RIMBP2: variants seen among roughly 807,000 people sequenced by gnomAD.
RIMBP2 encodes the protein RIMS binding protein 2.
Under a neutral mutation model 118.6 loss-of-function variants are expected in RIMBP2, and 48 were observed. The observed-to-expected ratio is 0.40, with a 90% confidence interval of 0.32 to 0.51. The LOEUF (loss-of-function observed/expected upper bound fraction) is 0.51. RIMBP2 is among the 20% of genes least tolerant of loss of function. The pLI, the probability that RIMBP2 is intolerant of heterozygous loss-of-function variation, is 0.41. For missense variants in RIMBP2, 1,551 were observed against 1,768.3 expected (o/e 0.88, Z 2.20); for synonymous variants, 762 against 742.9 (o/e 1.03, Z -0.42).
At chr12:130,478,575 T>G (rs1309713734) in intron 5 of RIMBP2, among the ~76,000 whole-genome samples, 2 of 152,098 alleles carry the variant, frequency 1.3e-5, no homozygotes, top group Non-Finnish European at 2.9e-5. Context: ...TGTGTGCCCT[T>G]TTAGTTTAAA....
At chr12:130,470,407 G>A (rs2080903825) in intron 6 of RIMBP2, 2 of 333,710 alleles carry the variant, frequency 6.0e-6, no homozygotes, top group South Asian at 3.1e-4. Flanking sequence ...GCCACCAGAG[G>A]ACAGCAGACC....
At chr12:130,618,528 G>A (rs2061099760) in intron 2 of RIMBP2, among the ~76,000 whole-genome samples, 1 of 151,958 alleles carries the variant, frequency 6.6e-6, no homozygotes, top group African/African-American at 2.4e-5. Flanking sequence ...AGCAGGTGGG[G>A]AAGGATGAGG....
Position 130,690,560 on chromosome 12 carries a change from C to A in RIMBP2, c.-352+25662G>T, listed in dbSNP as rs528083437. 4.6e-5 allele frequency among the ~76,000 whole-genome samples: 7 copies of A among 152,316 alleles called. No individual in the cohort carries two copies. In the South Asian group the frequency reaches 1.5e-3, roughly 32 times the overall value. On this transcript the variant is annotated intron_variant, in intron 1 of 22. Transcript: ENST00000690449. ...ATCCTAGATTTTTCACTTACTCTGG[C>A]CCATGCATCCCCTTTTGGCTAATTC...
In RIMBP2 at chr12:130,648,974, G is replaced by A. The variant is rs1003243138; in HGVS notation, c.-351-20518C>T. ...AAACGGATCGCACATGGTAATTTTT[G>A]CAGCACCACGGGTTAAATACTGTGG... On this transcript the variant is annotated intron_variant, in intron 1 of 22. Coordinates refer to ENST00000690449, the MANE Select transcript of RIMBP2 (RefSeq NM_001393629.1). Among the ~76,000 whole-genome samples, 2 of 145,632 alleles carry A rather than the reference G, an allele frequency of 1.4e-5. 1 individual carries two copies. Among genetic ancestry groups the A allele is most frequent in the African/African-American group, 4.9e-5 (2 of 40,676 alleles).
chr12:130,530,708 T>A (rs913335388), intron 2 of RIMBP2, among the ~76,000 whole-genome samples: 34 of 152,358 alleles, frequency 2.2e-4, no homozygotes, highest in African/African-American at 7.0e-4. Flanking sequence ...TGCCTTTTTT[T>A]AAAAAATCAC....
intron 1 of RIMBP2, among the ~76,000 whole-genome samples, chr12:130,680,831 C>T (rs957626511): frequency 3.9e-5 from 6 of 152,152 alleles, no homozygotes; most frequent in Non-Finnish European, 7.4e-5. Flanking sequence ...CAGAGGAGAT[C>T]GGGGTGGGAG....
intron 17 of RIMBP2, among the ~76,000 whole-genome samples, chr12:130,417,868 A>T (rs10848098): frequency 6.8e-6 from 1 of 146,306 alleles, no homozygotes; most frequent in African/African-American, 2.4e-5. Context: ...AGAGAATGGG[A>T]GGGGAGAGGG....
intron 1 of RIMBP2, among the ~76,000 whole-genome samples, chr12:130,691,836 C>G (rs935516830): frequency 1.1e-4 from 16 of 152,176 alleles, no homozygotes; most frequent in African/African-American, 3.6e-4. Flanking sequence ...TAGAAATTAG[C>G]AGGAGAATAG....
At chr12:130,714,895 A>T (rs1918562) in intron 1 of RIMBP2, among the ~76,000 whole-genome samples, 1 of 152,184 alleles carries the variant, frequency 6.6e-6, no homozygotes, top group African/African-American at 2.4e-5. Flanking sequence ...GGAGGGAGCC[A>T]GGGAGGGGCC....
chr12:130,568,381 C>T (rs2057385567), intron 2 of RIMBP2, among the ~76,000 whole-genome samples: 1 of 152,234 alleles, frequency 6.6e-6, no homozygotes, highest in Non-Finnish European at 1.5e-5. Flanking sequence ...GAATCCAGAT[C>T]TAACAGTCTG....
chr12:130,482,424 C>T (rs1018662375), intron 4 of RIMBP2, among the ~76,000 whole-genome samples: 4 of 152,158 alleles, frequency 2.6e-5, no homozygotes, highest in African/African-American at 9.7e-5. Context: ...ATCGATGAAA[C>T]GAGAAGGGCC....
intron 2 of RIMBP2, among the ~76,000 whole-genome samples, chr12:130,570,404 C>A (rs535219097): frequency 6.6e-5 from 10 of 152,228 alleles, no homozygotes; most frequent in African/African-American, 2.4e-4. Flanking sequence ...CCAGCCTGGG[C>A]AACAGAGCTA....
rs1178380215 is a variant in RIMBP2 at position 130,541,211 on chromosome 12, CTCA to C, written c.-216-23297_-216-23295del. On this transcript the variant is annotated intron_variant, in intron 2 of 22. Transcript: ENST00000690449. ...CTATGGAGCAGGCATCCTCCTGTCT[CTCA>C]TCTTCTTCCCTCACTTCCCCTGCCC... Among the ~76,000 whole-genome samples, 5 of 152,284 alleles carry C rather than the reference CTCA, an allele frequency of 3.3e-5. No individual in the cohort carries two copies. In the East Asian group the frequency reaches 9.6e-4, roughly 29 times the overall value.
chr12:130,401,305 A>G (rs1052309617), intron 21 of RIMBP2, among the ~76,000 whole-genome samples: 2 of 151,966 alleles, frequency 1.3e-5, no homozygotes, highest in East Asian at 1.9e-4. Flanking sequence ...TAGTAGAGAC[A>G]GGGTTTCGCC....
At chr12:130,500,908 G>A (rs11613009) in intron 4 of RIMBP2, among the ~76,000 whole-genome samples, 69,708 of 151,850 alleles carry the variant, frequency 0.46, 16,649 homozygotes, top group Middle Eastern at 0.53. Flanking sequence ...TCTACCACAC[G>A]CGTCATCTAA....
chr12:130,670,740 C>T lies in RIMBP2; in HGVS notation c.-351-42284G>A, dbSNP rs184084478. On this transcript the variant is annotated intron_variant, in intron 1 of 22. Coordinates refer to ENST00000690449, the MANE Select transcript of RIMBP2 (RefSeq NM_001393629.1). This position sits in a 1 kb window ranked among gnomAD's most constrained non-coding sequence, Gnocchi z 4.9. ...ATCCACCCACCAGCTCATGAGAAGTCTGTTAAAGAAGATTTAGGAAGACTT... is the reference window on the plus strand; with the variant it reads ...ATCCACCCACCAGCTCATGAGAAGTTTGTTAAAGAAGATTTAGGAAGACTT... Among the ~76,000 whole-genome samples, 2 of 152,264 alleles carry T rather than the reference C, an allele frequency of 1.3e-5. No individual in the cohort carries two copies. Among genetic ancestry groups the T allele is most frequent in the African/African-American group, 4.8e-5 (2 of 41,560 alleles).
At chr12:130,470,857 A>G in intron 5 of RIMBP2, 114 bp from the exon 6 acceptor site, 1 of 502,568 alleles carries the variant, frequency 2.0e-6, no homozygotes, top group Non-Finnish European at 3.1e-6. Context: ...TTCCTCTAAT[A>G]GAGGAATTAA....
At chr12:130,594,220 G>A (rs1170744969) in intron 2 of RIMBP2, among the ~76,000 whole-genome samples, 1 of 152,188 alleles carries the variant, frequency 6.6e-6, no homozygotes, top group Non-Finnish European at 1.5e-5. Context: ...CAAGACCCTG[G>A]CAAAGATCCC....
At chr12:130,605,277 T>C (rs1455012943) in intron 2 of RIMBP2, among the ~76,000 whole-genome samples, 5 of 152,182 alleles carry the variant, frequency 3.3e-5, no homozygotes, top group South Asian at 4.1e-4. Context: ...AATCAAAGAA[T>C]TGAACTTTAC....
Sources: allele counts gnomAD v4.1 joint callset (sites outside exome capture counted in the v4.1 genomes callset), GRCh38; gene constraint gnomAD v4.1.1; non-coding constraint Gnocchi (gnomAD v3.1); transcripts MANE v1.5; gene names NCBI Gene and HGNC (gene_info 2026-07-23, HGNC 2026-07-21).